Variants in HDAC9 observed in about 807,000 individuals in gnomAD.
HDAC9 encodes histone deacetylase 9.
A neutral mutation model predicts 139.4 loss-of-function variants in HDAC9; 41 were observed. The ratio of observed to expected loss-of-function variants is 0.29; its 90% confidence interval spans 0.23 to 0.38. The LOEUF (loss-of-function observed/expected upper bound fraction) is 0.38. HDAC9 is among the 10% of genes least tolerant of loss of function. The pLI is 1.00. For synonymous variants in HDAC9, 517 were observed against 476.2 expected (o/e 1.09, Z -1.12); for missense variants, 1,147 against 1,297.0 (o/e 0.88, Z 1.78).
intron 1 of HDAC9, among the ~76,000 whole-genome samples, chr7:18,361,401 A>G (rs1783766897): frequency 6.6e-6 from 1 of 152,210 alleles, no homozygotes; most frequent in Non-Finnish European, 1.5e-5. Flanking sequence ...CATTTCAAAC[A>G]TCTAATCTAT....
chr7:18,448,291 G>C (rs887486353), intron 1 of HDAC9, among the ~76,000 whole-genome samples: 4 of 152,184 alleles, frequency 2.6e-5, no homozygotes, highest in African/African-American at 9.6e-5. Flanking sequence ...AGACCAAAGA[G>C]TAGATGTTGA....
chr7:18,771,537 ATGTG>A lies in HDAC9; in HGVS notation c.2214+4406_2214+4409del, dbSNP rs144486840. On this transcript the variant is annotated intron_variant, in intron 16 of 25. Transcript: ENST00000686413. Reference sequence around the variant, plus strand: ...CCCTCTTATTTATAAATTTACAGATATGTGTGTGTGTGTGTGTGTGTGTGTGTTT... The same window carrying A: ...CCCTCTTATTTATAAATTTACAGATATGTGTGTGTGTGTGTGTGTGTGTTT... Among the ~76,000 whole-genome samples, 1,295 of 146,538 alleles carry A rather than the reference ATGTG, an allele frequency of 8.8e-3. 11 individuals carry two copies. Among genetic ancestry groups the A allele is most frequent in the South Asian group, 0.014 (63 of 4,654 alleles).
intron 14 of HDAC9, 67 bp downstream of exon 14, chr7:18,749,205 T>A: frequency 6.6e-7 from 1 of 1,510,850 alleles, no homozygotes. Context: ...CAGTATTCAT[T>A]TGGGGAGTAA....
intron 2 of HDAC9, among the ~76,000 whole-genome samples, chr7:18,267,758 G>A (rs1031221910): frequency 7.2e-5 from 11 of 152,024 alleles, no homozygotes; most frequent in African/African-American, 2.4e-4. Context: ...AGTGAACATG[G>A]CAGTGCAGAT....
At chr7:18,943,275 A>G (rs1023067183) in intron 23 of HDAC9, among the ~76,000 whole-genome samples, 2 of 152,052 alleles carry the variant, frequency 1.3e-5, no homozygotes, top group African/African-American at 4.8e-5. Flanking sequence ...GTATTTTCCT[A>G]ACTCTACTGT....
chr7:18,410,866 G>C (rs1788481230), intron 1 of HDAC9, among the ~76,000 whole-genome samples: 1 of 152,230 alleles, frequency 6.6e-6, no homozygotes, highest in African/African-American at 2.4e-5. Flanking sequence ...GATTAATATA[G>C]CTTTACAAAT....
At chr7:18,872,899 C>T (rs1486447565) in intron 21 of HDAC9, among the ~76,000 whole-genome samples, 1 of 152,076 alleles carries the variant, frequency 6.6e-6, no homozygotes, top group Non-Finnish European at 1.5e-5. Flanking sequence ...ATTGCATAGA[C>T]AATCTGGTTC....
chr7:18,490,455 A>G (rs879481379), intron 1 of HDAC9, among the ~76,000 whole-genome samples: 10 of 152,062 alleles, frequency 6.6e-5, no homozygotes, highest in Non-Finnish European at 1.5e-4. Context: ...TTGCTTTCAA[A>G]TATAACAGTC....
intron 2 of HDAC9, among the ~76,000 whole-genome samples, chr7:18,193,390 CACTT>C (rs1790494505): frequency 6.6e-6 from 1 of 152,128 alleles, no homozygotes; most frequent in African/African-American, 2.4e-5. Context: ...AAAAGCTAGC[CACTT>C]ACTTCCTTCT....
intron 1 of HDAC9, among the ~76,000 whole-genome samples, chr7:18,388,365 G>A (rs904682199): frequency 1.3e-5 from 2 of 152,198 alleles, no homozygotes; most frequent in Non-Finnish European, 2.9e-5. Context: ...AGCTTTCAGA[G>A]CCCCCATCCC....
chr7:18,915,875 C>G (rs1029171969), intron 22 of HDAC9, among the ~76,000 whole-genome samples: 1 of 151,302 alleles, frequency 6.6e-6, no homozygotes, highest in African/African-American at 2.4e-5. Context: ...TTCTCATTTA[C>G]CAATTATGGG....
At chr7:18,229,183 A>G (rs1299358040) in intron 2 of HDAC9, among the ~76,000 whole-genome samples, 3 of 152,200 alleles carry the variant, frequency 2.0e-5, no homozygotes, top group Non-Finnish European at 4.4e-5. Flanking sequence ...AATTGATAAT[A>G]CAGCTAAATA....
intron 13 of HDAC9, among the ~76,000 whole-genome samples, chr7:18,740,106 G>A (rs529568998): frequency 4.1e-4 from 63 of 152,352 alleles, no homozygotes; most frequent in Middle Eastern, 3.4e-3. Flanking sequence ...CTCGTCTGCC[G>A]ATTGCTAAGA....
rs534669737 is a variant in HDAC9, at chr7:18,988,642, T to G, written c.3171-7381T>G. Among the ~76,000 whole-genome samples, 74 of 152,284 alleles carry G rather than the reference T, an allele frequency of 4.9e-4. 1 individual carries two copies. The Middle Eastern group carries it at 0.014, about 28-fold the overall frequency. Reference sequence around the variant, plus strand: ...TTGTTTACTTTCTGTCTCATTGATCTGTCTAATGTTGACAGTGGGGTGTTA... The same window carrying G: ...TTGTTTACTTTCTGTCTCATTGATCGGTCTAATGTTGACAGTGGGGTGTTA... On this transcript the variant is annotated intron_variant, in intron 25 of 25. Coordinates refer to ENST00000686413, the MANE Select transcript of HDAC9 (RefSeq NM_178425.4).
chr7:18,349,628 A>G (rs1214560885), intron 1 of HDAC9, among the ~76,000 whole-genome samples: 1 of 151,960 alleles, frequency 6.6e-6, no homozygotes, highest in Non-Finnish European at 1.5e-5. Context: ...TCACAGCATT[A>G]GAACTTCATA....
intron 1 of HDAC9, among the ~76,000 whole-genome samples, chr7:18,463,729 G>A (rs213271): frequency 0.96 from 146,537 of 151,960 alleles, 70,672 homozygotes; most frequent in East Asian, 1. Context: ...ATTGAAAACT[G>A]TAGTTTTTCC....
At chr7:18,938,286 A>G (rs1163943830) in intron 23 of HDAC9, among the ~76,000 whole-genome samples, 1 of 149,258 alleles carries the variant, frequency 6.7e-6, no homozygotes, top group Admixed American at 6.8e-5. Context: ...ACATATTCTT[A>G]AATATTCCTA....
chr7:18,105,598 C>T (rs984053319), intron 1 of HDAC9, among the ~76,000 whole-genome samples: 1 of 148,394 alleles, frequency 6.7e-6, no homozygotes, highest in African/African-American at 2.5e-5. Flanking sequence ...ATTTCATCTA[C>T]ATCTAGATGC....
At position 18,935,846 on chromosome 7, in the gene HDAC9, T is replaced by A; in HGVS notation, c.2841T>A (p.Ala947=). Residue 947 remains alanine, a synonymous_variant, in exon 23 of 26, where the codon GCT becomes GCA. Transcript: ENST00000686413. ...GHLTKQLMTL[A]DGRVVLALEG... is the part of the protein sequence containing the mutation. ...TGACGAAGCAATTGATGACATTGGCTGATGGACGTGTGGTGTTGGCTCTAG... is the reference window on the plus strand; with the variant it reads ...TGACGAAGCAATTGATGACATTGGCAGATGGACGTGTGGTGTTGGCTCTAG... 1 of 1,613,792 alleles carries A rather than the reference T, an allele frequency of 6.2e-7. No individual in the cohort carries two copies. Among genetic ancestry groups the A allele is most frequent in the Non-Finnish European group, 8.5e-7 (1 of 1,179,714 alleles).
Sources: allele counts gnomAD v4.1 joint callset (sites outside exome capture counted in the v4.1 genomes callset), GRCh38; gene constraint gnomAD v4.1.1; transcripts MANE v1.5; gene names NCBI Gene and HGNC (gene_info 2026-07-23, HGNC 2026-07-21).